The following CNTNAP3B variants were observed in gnomAD, a reference collection of about 807,000 sequenced individuals.
The protein encoded by CNTNAP3B is contactin-associated protein-like 3B.
A neutral mutation model predicts 108.9 loss-of-function variants in CNTNAP3B; 25 were observed. The ratio of observed to expected loss-of-function variants is 0.23; its 90% CI spans 0.17 to 0.32. The LOEUF is 0.32. CNTNAP3B is among the 10% of genes least tolerant of loss of function. CNTNAP3B has a pLI of 1.00. For missense variants in CNTNAP3B, 252 were observed against 1,210.4 expected, an observed-to-expected ratio of 0.21 and a Z score of 11.75; for synonymous variants, 103 against 473.4, an observed-to-expected ratio of 0.22 and a Z score of 10.16.
chr9:41,934,436 T>C (rs1199379730), intron 14 of CNTNAP3B, among the ~76,000 whole-genome samples: 2 of 152,264 alleles, frequency 1.3e-5, no homozygotes, highest in Non-Finnish European at 2.9e-5. Flanking sequence ...TTAGCCAGGA[T>C]GGTCTCGATC....
chr9:41,929,587 G>C, intron 14 of CNTNAP3B, 143 bp from the exon 15 acceptor site: 1 of 1,027,942 alleles, frequency 9.7e-7, no homozygotes, highest in African/African-American at 1.9e-5. Context: ...AGAGCACAGA[G>C]ACTACCATGA....
At chr9:41,937,114 T>TTTTTTATTATTA (rs762179814) in intron 14 of CNTNAP3B, among the ~76,000 whole-genome samples, 2 of 141,440 alleles carry the variant, frequency 1.4e-5, no homozygotes, top group African/African-American at 2.7e-5. Context: ...TATTTATTAA[T>TTTTTTATTATTA]TTATTATTAT....
At chr9:42,003,710 A>G (rs1392950450) in intron 4 of CNTNAP3B, among the ~76,000 whole-genome samples, 1 of 137,450 alleles carries the variant, frequency 7.3e-6, no homozygotes, top group Non-Finnish European at 1.6e-5. Flanking sequence ...CTGTAATCCT[A>G]GCACTTTAGG....
chr9:41,918,071 C>T (rs796520359), intron 18 of CNTNAP3B, among the ~76,000 whole-genome samples: 59 of 144,990 alleles, frequency 4.1e-4, no homozygotes, highest in East Asian at 2.3e-3. Flanking sequence ...CTAGTTATGC[C>T]TGTTTCGTAT....
chr9:41,939,960 C>A (rs879192772), intron 13 of CNTNAP3B, among the ~76,000 whole-genome samples: 1 of 151,912 alleles, frequency 6.6e-6, no homozygotes, highest in African/African-American at 2.4e-5. Context: ...AGGACTGGAA[C>A]ATACAATAAC....
At chr9:42,113,465 C>G (rs1339668937) in intron 1 of CNTNAP3B, among the ~76,000 whole-genome samples, 1 of 139,222 alleles carries the variant, frequency 7.2e-6, no homozygotes, top group Non-Finnish European at 1.5e-5. Context: ...AGACTTACTG[C>G]TAAGTAGAAA....
intron 3 of CNTNAP3B, among the ~76,000 whole-genome samples, chr9:42,075,311 T>G (rs1171559552): frequency 6.9e-6 from 1 of 144,894 alleles, no homozygotes; most frequent in Non-Finnish European, 1.5e-5. Context: ...TTCCAACATA[T>G]GTCTTTGGGA....
In CNTNAP3B at chr9:42,077,545, C is replaced by A. The variant is rs1405947863; in HGVS notation, c.197-483G>T. 3.8e-5 allele frequency among the ~76,000 whole-genome samples: 5 copies of A among 132,010 alleles called. 1 individual carries two copies. Among genetic ancestry groups the A allele is most frequent in the Non-Finnish European group, 8.0e-5 (5 of 62,472 alleles). The allele number at this position is 132,010 out of a possible 152,430, so 86.6% of individuals were successfully genotyped here. A position where few individuals can be genotyped will look rare whatever the true frequency, so the allele number is the denominator to read the frequency against. The stretch of plus-strand genomic sequence containing the variant: ...AACATAGAGTGCTTTGTGAGGCAAT[C>A]CCACTTACATGTGGAATTCTAAAAA... On this transcript the variant is annotated intron_variant, in intron 2 of 23. Coordinates refer to ENST00000377561, the MANE Select transcript of CNTNAP3B (RefSeq NM_001201380.3).
At chr9:41,921,318 G>T (rs909330959) in intron 17 of CNTNAP3B, among the ~76,000 whole-genome samples, 3 of 152,252 alleles carry the variant, frequency 2.0e-5, no homozygotes, top group African/African-American at 7.2e-5. Flanking sequence ...TAGTTTGATG[G>T]TTTCATGTCC....
At chr9:41,959,836 C>A (rs906247110) in intron 12 of CNTNAP3B, among the ~76,000 whole-genome samples, 4 of 152,416 alleles carry the variant, frequency 2.6e-5, no homozygotes, top group East Asian at 1.9e-4. Context: ...ACTTTTGAAA[C>A]CTTTTGTCAG....
At chr9:42,109,525 G>C (rs1403634376) in intron 1 of CNTNAP3B, among the ~76,000 whole-genome samples, 24 of 147,704 alleles carry the variant, frequency 1.6e-4, no homozygotes, top group African/African-American at 4.7e-4. Context: ...AAAAGGAGGG[G>C]CGACAACTGA....
At chr9:41,969,176 G>A (rs1421388788) in intron 10 of CNTNAP3B, among the ~76,000 whole-genome samples, 5 of 152,038 alleles carry the variant, frequency 3.3e-5, no homozygotes, top group African/African-American at 1.2e-4. Flanking sequence ...GGGGCAAATT[G>A]TATGTAGAAA....
At chr9:41,939,010 C>T (rs1385907747) in intron 13 of CNTNAP3B, among the ~76,000 whole-genome samples, 1 of 152,214 alleles carries the variant, frequency 6.6e-6, no homozygotes, top group Admixed American at 6.5e-5. Context: ...AACAAAGTGC[C>T]CTGGGTCAAC....
At chr9:42,089,791 G>C (rs2118662780) in intron 2 of CNTNAP3B, among the ~76,000 whole-genome samples, 1 of 142,914 alleles carries the variant, frequency 7.0e-6, no homozygotes, top group Non-Finnish European at 1.5e-5. Flanking sequence ...TGTGTTTGCA[G>C]TTTATCACAC....
chr9:41,932,520 CTTT>C (rs1304300088), intron 14 of CNTNAP3B, among the ~76,000 whole-genome samples: 1 of 11,194 alleles, frequency 8.9e-5, no homozygotes, highest in Admixed American at 1.1e-3. Context: ...TTTTTTTCTT[CTTT>C]TTTTTTTTTT....
chr9:41,933,478 T>C (rs1368512410), intron 14 of CNTNAP3B, among the ~76,000 whole-genome samples: 1 of 152,234 alleles, frequency 6.6e-6, no homozygotes, highest in Non-Finnish European at 1.5e-5. Flanking sequence ...AGTTTTGTAA[T>C]TTTTTCCATA....
chr9:41,933,870 TTTG>T (rs1824055654), intron 14 of CNTNAP3B, among the ~76,000 whole-genome samples: 1 of 152,224 alleles, frequency 6.6e-6, no homozygotes, highest in Admixed American at 6.5e-5. Flanking sequence ...TTCCGTAAAA[TTTG>T]TTAAGATTCC....
chr9:41,943,826 C>G (rs1161913894), intron 13 of CNTNAP3B, among the ~76,000 whole-genome samples: 2 of 152,122 alleles, frequency 1.3e-5, no homozygotes, highest in East Asian at 1.9e-4. Context: ...AATCACCAAG[C>G]AGGTTAAATA....
intron 15 of CNTNAP3B, among the ~76,000 whole-genome samples, chr9:41,925,342 C>T (rs1390520700): frequency 1.3e-5 from 2 of 152,158 alleles, no homozygotes; most frequent in South Asian, 2.1e-4. Flanking sequence ...GCCTGTAATC[C>T]CAGCAGTTTG....
Sources: allele counts gnomAD v4.1 joint callset (sites outside exome capture counted in the v4.1 genomes callset), GRCh38; gene constraint gnomAD v4.1.1; transcripts MANE v1.5; gene names NCBI Gene and HGNC (gene_info 2026-07-23, HGNC 2026-07-21).